Variants in THUMPD2 observed in about 807,000 individuals in gnomAD.
THUMPD2 encodes THUMP domain 2 tRNA and snRNA guanosine methyltransferase, also known as U6 snRNA (guanine-N(2))-methyltransferase THUMPD2.
A neutral mutation model predicts 49.4 loss-of-function variants in THUMPD2; 56 were observed. The ratio of observed to expected loss-of-function variants is 1.13; its 90% CI spans 0.91 to 1.41. THUMPD2 has a LOEUF of 1.41. Ranked by LOEUF, THUMPD2 falls within the 40% of genes most tolerant of loss-of-function variation. The pLI, the probability that THUMPD2 is intolerant of heterozygous loss-of-function variation, is 0.00. For synonymous variants in THUMPD2, 237 were observed against 205.2 expected (o/e 1.15, Z -1.32); for missense variants, 709 against 594.5 (o/e 1.19, Z -2.00).
intron 4 of THUMPD2, chr2:39,766,335 T>G (rs964936512): frequency 5.8e-6 from 2 of 343,682 alleles, no homozygotes; most frequent in Non-Finnish European, 1.0e-5. Context: ...GTCAATTTAT[T>G]ATATAGGAGA....
chr2:39,775,203 G>A (rs1053372333), intron 1 of THUMPD2, among the ~76,000 whole-genome samples: 11 of 152,092 alleles, frequency 7.2e-5, no homozygotes, highest in South Asian at 2.1e-4. Flanking sequence ...TGCTTGAGCC[G>A]GGGAAATCAA....
In THUMPD2 at chr2:39,756,075, G is replaced by A. The variant is rs1676078312; in HGVS notation, c.892-115C>T. ...AGAGGAAAGATTACATTTTAAAGGG[G>A]TGGTGGCTGAAGGGACAGATGGGTT... On this transcript the variant is annotated intron_variant, in intron 6 of 9. Coordinates refer to ENST00000505747, the MANE Select transcript of THUMPD2 (RefSeq NM_025264.5). 7 of 971,310 alleles carry A rather than the reference G, an allele frequency of 7.2e-6. No individual in the cohort carries two copies. In the South Asian group the frequency reaches 8.8e-5, roughly 12 times the overall value. 60.2% of individuals were successfully genotyped at this position (971,310 alleles called of 1,614,324 possible).
Position 39,755,889 on chromosome 2 carries a change from T to G in THUMPD2, c.963A>C (p.Pro321=). ...TGCTTTACCAAACTTTAGAACTTAC[T>G]GGCCATTCTTTAGCAGCTTCCAAAA... ...TILLEAAKEW[P]DVYYVGADVS... Residue 321 remains proline (P), a splice_region_variant and synonymous_variant, in exon 7 of 10, where the codon CCA becomes CCC. Coordinates refer to ENST00000505747, the MANE Select transcript of THUMPD2 (RefSeq NM_025264.5). 6.2e-7 allele frequency: 1 copy of G among 1,613,688 alleles called. No individual in the cohort carries two copies. Among genetic ancestry groups the G allele is most frequent in the Non-Finnish European group, 8.5e-7 (1 of 1,179,704 alleles).
chr2:39,768,183 G>C (rs1677811584), intron 4 of THUMPD2, among the ~76,000 whole-genome samples: 1 of 152,016 alleles, frequency 6.6e-6, no homozygotes, highest in African/African-American at 2.4e-5. Flanking sequence ...CTTCAACTGT[G>C]ACCAGACAAC....
intron 9 of THUMPD2, among the ~76,000 whole-genome samples, chr2:39,743,560 T>A (rs144665873): frequency 2.6e-5 from 4 of 152,142 alleles, no homozygotes; most frequent in African/African-American, 4.8e-5. Flanking sequence ...ATCTCATGAA[T>A]AGATTAATGC....
chr2:39,776,170 C>G (rs1195156010), intron 1 of THUMPD2, among the ~76,000 whole-genome samples: 1 of 152,138 alleles, frequency 6.6e-6, no homozygotes, highest in Admixed American at 6.5e-5. Context: ...CAATATATTA[C>G]TTTCTTCAAA....
chr2:39,746,039 G>C (rs1380358478), intron 8 of THUMPD2, among the ~76,000 whole-genome samples: 1 of 152,164 alleles, frequency 6.6e-6, no homozygotes, highest in Non-Finnish European at 1.5e-5. Context: ...CAATAAAAGA[G>C]GTTAATATAT....
chr2:39,755,409 C>T lies in THUMPD2; in HGVS notation c.964G>A (p.Asp322Asn). The change falls in exon 8 of 10, where the codon GAT (aspartate) becomes AAT (asparagine). Residue 322 changes from aspartate (D) to asparagine (N), a missense_variant and splice_region_variant. Physicochemically the swap from Asp to Asn is conservative, Grantham distance 23. Transcript: ENST00000505747. Reference protein sequence around the residue: ...ILLEAAKEWPDVYYVGADVSD... With the variant: ...ILLEAAKEWPNVYYVGADVSD... ...ACATCAGCACCTACATAATACACAT[C>T]CTATGGGGAAATAAATATTTTAAGC... is the stretch of plus-strand genomic sequence containing the variant. The T allele has an allele frequency of 6.5e-7, 1 of 1,531,126 alleles. No individual in the cohort carries two copies. Among genetic ancestry groups the T allele is most frequent in the Non-Finnish European group, 8.8e-7 (1 of 1,133,112 alleles). The allele number at this position is 1,531,126 out of a possible 1,614,324, so 94.8% of individuals were successfully genotyped here.
chr2:39,755,991 T>G, intron 6 of THUMPD2, 31 bp from the exon 7 acceptor site: 2 of 1,586,624 alleles, frequency 1.3e-6, no homozygotes, highest in South Asian at 2.2e-5. Context: ...TTGGTATTAT[T>G]AAGACTACCA....
At chr2:39,768,745 C>T (rs7590912) in intron 3 of THUMPD2, 366,629 of 709,418 alleles carry the variant, frequency 0.52, 97,537 homozygotes, top group East Asian at 0.81. Flanking sequence ...TAATCTCTAT[C>T]CTTGTAATTT....
In THUMPD2 at chr2:39,769,820, C is replaced by A. The variant is rs777112640; in HGVS notation, c.562G>T (p.Glu188Ter). 11 of 1,597,956 alleles carry A rather than the reference C, an allele frequency of 6.9e-6. No homozygotes were observed. The highest frequency in any genetic ancestry group is 1.6e-5 in the African/African-American group (1 of 62,728). ...TTKSEKFQEE[E>*]FQNDIEKAID... ...GCTTTCTCTATGTCATTCTGAAATT[C>A]TTCTTCTTGAAACTTTTCGCTTTTA... is the stretch of plus-strand genomic sequence containing the variant. Residue 188 changes from glutamate to a stop codon, truncating the protein, a stop_gained, in exon 3 of 10, where the codon GAA (glutamate) becomes TAA (stop). Coordinates refer to ENST00000505747, the MANE Select transcript of THUMPD2 (RefSeq NM_025264.5). LOFTEE classifies it high-confidence loss of function.
chr2:39,748,477 T>G (rs1674900426), intron 8 of THUMPD2, among the ~76,000 whole-genome samples: 1 of 151,058 alleles, frequency 6.6e-6, no homozygotes, highest in African/African-American at 2.4e-5. Context: ...CCAAGGCAGG[T>G]GGATCATGAG....
intron 3 of THUMPD2, chr2:39,768,736 A>T: frequency 1.4e-6 from 1 of 706,726 alleles, no homozygotes; most frequent in Non-Finnish European, 2.3e-6. Flanking sequence ...ACTCATGCAT[A>T]ATCTCTATCC....
intron 5 of THUMPD2, among the ~76,000 whole-genome samples, chr2:39,764,175 T>G (rs59756273): frequency 0.42 from 63,472 of 152,098 alleles, 14,469 homozygotes; most frequent in Non-Finnish European, 0.52. Context: ...ATCAAGCATT[T>G]ATCACAGATC....
In THUMPD2 at chr2:39,771,520, AAAT is replaced by A. The variant is rs1270814196; in HGVS notation, c.244_246del (p.Ile82del). Reference sequence around the variant, plus strand: ...TATGCCATACCTTTACTTACAGAAGAAATAATAAGTGGAAACTGCTTTTTAATC... The same window carrying A: ...TATGCCATACCTTTACTTACAGAAGAAATAAGTGGAAACTGCTTTTTAATC... On this transcript the variant is annotated inframe_deletion, in exon 2 of 10. Transcript: ENST00000505747. The A allele has an allele frequency of 1.9e-6, 3 of 1,601,894 alleles. No individual in the cohort carries two copies. Among genetic ancestry groups the A allele is most frequent in the African/African-American group, 1.4e-5 (1 of 74,062 alleles).
intron 8 of THUMPD2, 173 bp from the exon 9 acceptor site, chr2:39,744,651 T>C (rs1260987793): frequency 2.2e-6 from 1 of 453,242 alleles, no homozygotes; most frequent in Non-Finnish European, 3.9e-6. Flanking sequence ...CAATCACTAA[T>C]GATAAATGAT....
chr2:39,754,146 T>C (rs13393172), intron 8 of THUMPD2, among the ~76,000 whole-genome samples: 19,149 of 152,228 alleles, frequency 0.13, 1,534 homozygotes, highest in African/African-American at 0.22. Context: ...GAAAACTCAC[T>C]GCTCTGGAAC....
chr2:39,774,789 A>G (rs986386953), intron 1 of THUMPD2, among the ~76,000 whole-genome samples: 2 of 152,162 alleles, frequency 1.3e-5, no homozygotes, highest in African/African-American at 2.4e-5. Context: ...AAATTTATTT[A>G]TATATACAAT....
chr2:39,744,603 T>C (rs978321500), intron 8 of THUMPD2, 125 bp from the exon 9 acceptor site: 10 of 581,376 alleles, frequency 1.7e-5, no homozygotes, highest in Non-Finnish European at 2.9e-5. Context: ...GTTGCTAATA[T>C]TGTTTTAAAG....
Sources: gnomAD v4.1 joint callset for allele counts (sites outside exome capture counted in the v4.1 genomes callset) on GRCh38, gnomAD v4.1.1 for gene constraint, MANE v1.5 for transcripts, NCBI Gene and HGNC (gene_info 2026-07-23, HGNC 2026-07-21) for gene names.